Variants in ALDH1L1 observed in about 807,000 individuals in gnomAD.
The protein encoded by ALDH1L1 is aldehyde dehydrogenase 1 family member L1.
A neutral mutation model predicts 101.1 loss-of-function variants in ALDH1L1; 68 were observed. The observed-to-expected ratio is 0.67, with a 90% CI of 0.55 to 0.82. The LOEUF (loss-of-function observed/expected upper bound fraction) is 0.82. Ranked by LOEUF, ALDH1L1 falls within the 40% of genes least tolerant of loss-of-function variation. The probability of loss-of-function intolerance (pLI) is 0.00; values close to 1 mark genes in which losing one functional copy is unlikely to be tolerated. For missense variants in ALDH1L1, 1,087 were observed against 1,172.7 expected, an observed-to-expected ratio of 0.93 and a Z score of 1.07; for synonymous variants, 486 against 470.8, an observed-to-expected ratio of 1.03 and a Z score of -0.42.
chr3:126,117,582 G>T (rs2079995841), intron 17 of ALDH1L1, among the ~76,000 whole-genome samples: 1 of 151,510 alleles, frequency 6.6e-6, no homozygotes, highest in Admixed American at 6.6e-5. Flanking sequence ...AGCCCAGGAA[G>T]TCAAGGCTAC....
chr3:126,166,640 T>A (rs367554998), intron 1 of ALDH1L1, among the ~76,000 whole-genome samples: 15 of 152,296 alleles, frequency 9.8e-5, no homozygotes, highest in Admixed American at 7.2e-4. Flanking sequence ...ATAAACCATG[T>A]TTTTCAAAAT....
At chr3:126,160,720 C>A (rs2081026917) in intron 2 of ALDH1L1, 133 bp downstream of exon 2, 1 of 1,365,320 alleles carries the variant, frequency 7.3e-7, no homozygotes, top group Non-Finnish European at 9.9e-7. Context: ...CAAGGTAGAC[C>A]ACTTATGGCT....
intron 16 of ALDH1L1, among the ~76,000 whole-genome samples, chr3:126,119,595 G>T (rs2080039975): frequency 6.6e-6 from 1 of 152,136 alleles, no homozygotes; most frequent in East Asian, 1.9e-4. Flanking sequence ...TTCCAGTTTG[G>T]CAGGTTTGGA....
intron 4 of ALDH1L1, chr3:126,155,751 G>C (rs2080891976): frequency 1.5e-5 from 6 of 399,514 alleles, no homozygotes. Flanking sequence ...TACATCTTCT[G>C]ATATCTTAGA....
At chr3:126,171,284 G>A (rs1226226989) in intron 1 of ALDH1L1, among the ~76,000 whole-genome samples, 2 of 152,150 alleles carry the variant, frequency 1.3e-5, no homozygotes, top group Non-Finnish European at 2.9e-5. Flanking sequence ...GCGACAGAGC[G>A]AGACTCTGTC....
intron 11 of ALDH1L1, 112 bp from the exon 12 acceptor site, chr3:126,135,774 C>T (rs1255763355): frequency 1.5e-6 from 2 of 1,314,210 alleles, no homozygotes; most frequent in South Asian, 1.6e-5. Context: ...CCCCTGTCCA[C>T]ATGAGCAGGT....
At chr3:126,156,277 G>T (rs929630082) in intron 4 of ALDH1L1, 2 of 152,176 alleles carry the variant, frequency 1.3e-5, no homozygotes, top group Non-Finnish European at 2.9e-5. Flanking sequence ...GTTGCTTGCC[G>T]TGGGAAGCAC....
Position 126,118,739 on chromosome 3 carries a change from C to T in ALDH1L1, c.1889-641G>A, listed in dbSNP as rs146651310. ...ACCCAAGGATGCCTGATCAGGTCCC[C>T]GAGGATGTGGCATCCTAAGCATCAT... is the stretch of plus-strand genomic sequence containing the variant. On this transcript the variant is annotated intron_variant, in intron 16 of 22. Coordinates refer to ENST00000393434, the MANE Select transcript of ALDH1L1 (RefSeq NM_012190.4). Among the ~76,000 whole-genome samples the T allele has an allele frequency of 2.7e-3, 410 of 152,190 alleles. 1 individual carries two copies. Among genetic ancestry groups the T allele is most frequent in the African/African-American group, 9.5e-3 (394 of 41,494 alleles).
At chr3:126,130,536 A>T (rs1300796204) in intron 13 of ALDH1L1, among the ~76,000 whole-genome samples, 1 of 152,254 alleles carries the variant, frequency 6.6e-6, no homozygotes, top group East Asian at 1.9e-4. Flanking sequence ...TCTAGCTTTG[A>T]CATTCGAGCA....
intron 16 of ALDH1L1, among the ~76,000 whole-genome samples, chr3:126,120,636 T>G (rs960419270): frequency 1.3e-5 from 2 of 152,174 alleles, no homozygotes; most frequent in Non-Finnish European, 2.9e-5. Context: ...GGTCATTGTT[T>G]GTAACAAACA....
intron 15 of ALDH1L1, among the ~76,000 whole-genome samples, 185 bp downstream of exon 15, chr3:126,125,431 G>T (rs1039352089): frequency 6.6e-6 from 1 of 152,230 alleles, no homozygotes; most frequent in Non-Finnish European, 1.5e-5. Context: ...GCTTTGGAGA[G>T]CTCTGCCTGC....
chr3:126,103,849 G>T lies in ALDH1L1; in HGVS notation c.2654-3C>A. On this transcript the variant is annotated splice_region_variant and splice_polypyrimidine_tract_variant and intron_variant, in intron 22 of 22. Transcript: ENST00000393434. ...GTACTCGTTCAGAGCCGCCTCTCCT[G>T]TAAGACACCACAAAGGTCACAGCAG... is the stretch of plus-strand genomic sequence containing the variant. 1 of 1,613,132 alleles carries T rather than the reference G, an allele frequency of 6.2e-7. No homozygotes were observed. The highest frequency in any genetic ancestry group is 1.1e-5 in the South Asian group (1 of 90,812).
At chr3:126,155,674 A>G (rs1179606056) in intron 4 of ALDH1L1, 171 bp from the exon 5 acceptor site, 2 of 540,710 alleles carry the variant, frequency 3.7e-6, no homozygotes, top group African/African-American at 3.9e-5. Flanking sequence ...CGTGAACCTA[A>G]CTTCTATTGC....
chr3:126,169,766 T>A (rs2081238379), intron 1 of ALDH1L1, among the ~76,000 whole-genome samples: 1 of 152,302 alleles, frequency 6.6e-6, no homozygotes, highest in South Asian at 2.1e-4. Context: ...TAGCAAATAA[T>A]TATTATTGCT....
At chr3:126,109,842 A>T (rs969492689) in intron 20 of ALDH1L1, 102 bp downstream of exon 20, 2 of 1,504,988 alleles carry the variant, frequency 1.3e-6, no homozygotes, top group Non-Finnish European at 1.8e-6. Flanking sequence ...CTGTGTAGGT[A>T]CCTGGCCTTC....
At chr3:126,138,391 A>G (rs1395385302) in intron 9 of ALDH1L1, among the ~76,000 whole-genome samples, 4 of 152,208 alleles carry the variant, frequency 2.6e-5, no homozygotes, top group Non-Finnish European at 5.9e-5. Flanking sequence ...ATTATCTGAT[A>G]AAGGACTTGT....
chr3:126,192,467 G>T (rs964464045), intron 1 of ALDH1L1, among the ~76,000 whole-genome samples: 2 of 152,236 alleles, frequency 1.3e-5, no homozygotes, highest in African/African-American at 4.8e-5. Flanking sequence ...AGAGATCAAA[G>T]ATATTGCAGG....
intron 16 of ALDH1L1, among the ~76,000 whole-genome samples, chr3:126,122,057 A>C (rs904419835): frequency 1.3e-5 from 2 of 152,250 alleles, no homozygotes; most frequent in Admixed American, 1.3e-4. Context: ...AGAAAGAACA[A>C]GAGTGTCAAC....
chr3:126,146,388 C>T (rs1230003693), intron 9 of ALDH1L1, among the ~76,000 whole-genome samples: 1 of 152,206 alleles, frequency 6.6e-6, no homozygotes, highest in East Asian at 1.9e-4. Flanking sequence ...CAGCTGACAG[C>T]AGCTGAATCT....
Sources: gnomAD v4.1 joint callset for allele counts (sites outside exome capture counted in the v4.1 genomes callset) on GRCh38, gnomAD v4.1.1 for gene constraint, MANE v1.5 for transcripts, NCBI Gene and HGNC (gene_info 2026-07-23, HGNC 2026-07-21) for gene names.